Variants in PHACTR1 observed in about 807,000 individuals in gnomAD.
PHACTR1 encodes the protein phosphatase and actin regulator 1, also known as RPEL repeat containing 1.
A neutral mutation model predicts 69.2 loss-of-function variants in PHACTR1; 16 were observed. That is an observed-to-expected ratio of 0.23 (90% CI 0.16 to 0.35). The LOEUF (loss-of-function observed/expected upper bound fraction) is 0.35. Among genes scored for constraint, PHACTR1 ranks in the 10% least tolerant of loss-of-function variants. The pLI, the probability that PHACTR1 is intolerant of heterozygous loss-of-function variation, is 1.00. For synonymous variants in PHACTR1, 312 were observed against 284.5 expected (o/e 1.10, Z -0.97); for missense variants, 510 against 734.7 (o/e 0.69, Z 3.54).
At chr6:12,938,473 A>G (rs916062416) in intron 4 of PHACTR1, among the ~76,000 whole-genome samples, 1 of 152,180 alleles carries the variant, frequency 6.6e-6, no homozygotes, top group African/African-American at 2.4e-5. Context: ...TAACAATGAC[A>G]ATAACACGGC....
chr6:13,182,795 C>CTCAGGATA, intron 7 of PHACTR1, 109 bp downstream of exon 7: 1 of 1,108,346 alleles, frequency 9.0e-7, no homozygotes, highest in Non-Finnish European at 1.2e-6. Context: ...CTATCCTGAG[C>CTCAGGATA]GTAAGGATCT....
chr6:12,793,628 A>G (rs955319033), intron 4 of PHACTR1, among the ~76,000 whole-genome samples: 23 of 152,224 alleles, frequency 1.5e-4, no homozygotes, highest in African/African-American at 4.1e-4. Flanking sequence ...ATGACTTTTA[A>G]AAGTTAGTGG....
At chr6:12,985,544 ATAT>A (rs1796069868) in intron 4 of PHACTR1, among the ~76,000 whole-genome samples, 3 of 132,008 alleles carry the variant, frequency 2.3e-5, no homozygotes, top group Admixed American at 7.6e-5. Context: ...AAAAAAAAAT[ATAT>A]ATATATATAT....
chr6:13,184,558 C>T (rs1049823743), intron 7 of PHACTR1, among the ~76,000 whole-genome samples: 1 of 152,186 alleles, frequency 6.6e-6, no homozygotes, highest in Non-Finnish European at 1.5e-5. Context: ...CATCCTCCTC[C>T]TCTTTCTCCC....
chr6:13,204,505 G>T (rs1765637224), intron 7 of PHACTR1, among the ~76,000 whole-genome samples: 1 of 152,162 alleles, frequency 6.6e-6, no homozygotes, highest in Non-Finnish European at 1.5e-5. Flanking sequence ...GAAATGTGGG[G>T]TATGGCAGCA....
chr6:13,201,422 G>A (rs1228535191), intron 7 of PHACTR1, among the ~76,000 whole-genome samples: 4 of 152,212 alleles, frequency 2.6e-5, no homozygotes, highest in Admixed American at 1.3e-4. Flanking sequence ...GAGTGGACGA[G>A]AGAGATGTAA....
At chr6:12,899,267 T>C (rs974491574) in intron 4 of PHACTR1, among the ~76,000 whole-genome samples, 2 of 152,216 alleles carry the variant, frequency 1.3e-5, no homozygotes, top group Admixed American at 1.3e-4. Flanking sequence ...TCAAGAAATA[T>C]TCATTGCAGC....
chr6:13,173,076 G>C (rs986199552), intron 6 of PHACTR1, among the ~76,000 whole-genome samples: 4 of 152,172 alleles, frequency 2.6e-5, no homozygotes, highest in African/African-American at 9.7e-5. Flanking sequence ...CCCCTGTAGT[G>C]TCTGCCTCAA....
chr6:13,147,135 G>T (rs573875270), intron 5 of PHACTR1, among the ~76,000 whole-genome samples: 1 of 152,332 alleles, frequency 6.6e-6, no homozygotes, highest in South Asian at 2.1e-4. Context: ...TTATTTTTCA[G>T]ATCTTAGTTT....
At chr6:13,225,361 G>A (rs1439259692) in intron 8 of PHACTR1, among the ~76,000 whole-genome samples, 2 of 152,162 alleles carry the variant, frequency 1.3e-5, no homozygotes, top group Non-Finnish European at 2.9e-5. Flanking sequence ...GTCTTTAGCT[G>A]TTTCTCTAGT....
chr6:12,951,924 A>G (rs552844816), intron 4 of PHACTR1, among the ~76,000 whole-genome samples: 1 of 152,228 alleles, frequency 6.6e-6, no homozygotes, highest in Non-Finnish European at 1.5e-5. Flanking sequence ...CTGTTTATGT[A>G]GTGGCATTAT....
At chr6:12,847,552 A>G (rs1422423906) in intron 4 of PHACTR1, among the ~76,000 whole-genome samples, 3 of 152,162 alleles carry the variant, frequency 2.0e-5, no homozygotes, top group Non-Finnish European at 4.4e-5. Context: ...TAGTATTAGT[A>G]TTAATATTTG....
intron 7 of PHACTR1, among the ~76,000 whole-genome samples, chr6:13,203,536 GA>G (rs1162938678): frequency 6.6e-6 from 1 of 152,146 alleles, no homozygotes; most frequent in African/African-American, 2.4e-5. Flanking sequence ...TCATTAACAC[GA>G]TTAACACGGA....
In PHACTR1 at chr6:12,989,730, A is replaced by G. The variant is rs532226955; in HGVS notation, c.251-63635A>G. On this transcript the variant is annotated intron_variant, in intron 4 of 14. Coordinates refer to ENST00000332995, the MANE Select transcript of PHACTR1 (RefSeq NM_030948.6). ...AAAGGCCCAGAGTTTTGGTCTCCAC[A>G]GTATTTATTGAGTACAGTCACTTAG... Among the ~76,000 whole-genome samples, 251 of 152,362 alleles carry G rather than the reference A, an allele frequency of 1.6e-3. 2 individuals carry two copies. Among genetic ancestry groups the G allele is most frequent in the Non-Finnish European group, 2.0e-3 (138 of 68,042 alleles).
At chr6:13,131,477 A>G (rs1820458849) in intron 5 of PHACTR1, among the ~76,000 whole-genome samples, 2 of 152,072 alleles carry the variant, frequency 1.3e-5, no homozygotes, top group Admixed American at 1.3e-4. Flanking sequence ...GGGGTAAAAA[A>G]CTACACATTG....
chr6:12,945,052 G>A (rs1790525220), intron 4 of PHACTR1, among the ~76,000 whole-genome samples: 1 of 152,128 alleles, frequency 6.6e-6, no homozygotes, highest in African/African-American at 2.4e-5. Context: ...AAAGTGCTGG[G>A]ATTACAGGCA....
intron 4 of PHACTR1, among the ~76,000 whole-genome samples, chr6:12,952,180 G>A (rs756490726): frequency 7.9e-4 from 120 of 152,184 alleles, no homozygotes; most frequent in Middle Eastern, 3.2e-3. Flanking sequence ...CAGCCTCCCT[G>A]TGGATAGCCC....
At position 13,018,958 on chromosome 6, in the gene PHACTR1, A is replaced by G. The variant is rs9473215; in HGVS notation, c.251-34407A>G. Among the ~76,000 whole-genome samples the G allele has an allele frequency of 1.0e-2, 1,515 of 152,094 alleles. 34 individuals carry two copies. Among genetic ancestry groups the G allele is most frequent in the African/African-American group, 0.034 (1,412 of 41,504 alleles). On this transcript the variant is annotated intron_variant, in intron 4 of 14. Transcript: ENST00000332995. Reference sequence around the variant, plus strand: ...CAGAGGCAAAATCATGGTTCAGGCTATCCTCCCACCTGGTATCTGGGACTA... The same window carrying G: ...CAGAGGCAAAATCATGGTTCAGGCTGTCCTCCCACCTGGTATCTGGGACTA...
chr6:13,267,838 G>GAAAAAAAAAAAAAAAAAAAAAAAAAAAA (rs558900640), intron 10 of PHACTR1: 1 of 101,084 alleles, frequency 9.9e-6, no homozygotes, highest in African/African-American at 5.2e-5. Flanking sequence ...GGAATGATCT[G>GAAAAAAAAAAAAAAAAAAAAAAAAAAAA]AAAAAAAAAA....
Sources: allele counts gnomAD v4.1 joint callset (sites outside exome capture counted in the v4.1 genomes callset), GRCh38; gene constraint gnomAD v4.1.1; transcripts MANE v1.5; gene names NCBI Gene and HGNC (gene_info 2026-07-23, HGNC 2026-07-21).